The following LSAMP variants were observed in gnomAD, a reference collection of about 807,000 sequenced individuals.
LSAMP encodes the protein limbic system associated membrane protein, also known as limbic system-associated membrane protein.
LSAMP carries 7 observed loss-of-function variants against 38.6 expected under a neutral mutation model. The observed-to-expected ratio is 0.18, with a 90% confidence interval of 0.10 to 0.34. The LOEUF is 0.34. Among genes scored for constraint, LSAMP ranks in the 10% least tolerant of loss-of-function variants. The pLI is 1.00. For synonymous variants in LSAMP, 154 were observed against 166.8 expected, an observed-to-expected ratio of 0.92 and a Z score of 0.59; for missense variants, 313 against 420.0, an observed-to-expected ratio of 0.75 and a Z score of 2.23.
At chr3:116,047,729 G>A (rs1425773014) in intron 2 of LSAMP, among the ~76,000 whole-genome samples, 1 of 152,104 alleles carries the variant, frequency 6.6e-6, no homozygotes, top group Non-Finnish European at 1.5e-5. Context: ...TTCCATAGAT[G>A]TTGTCATTGA....
chr3:116,102,550 T>C (rs1054725836), intron 1 of LSAMP, among the ~76,000 whole-genome samples: 2 of 152,214 alleles, frequency 1.3e-5, no homozygotes, highest in Non-Finnish European at 2.9e-5. Context: ...AGGCCTCACC[T>C]AATCCATTGA....
At chr3:116,078,449 C>T (rs1239656932) in intron 2 of LSAMP, among the ~76,000 whole-genome samples, 3 of 152,012 alleles carry the variant, frequency 2.0e-5, no homozygotes, top group South Asian at 4.1e-4. Context: ...CTCAGCCTCC[C>T]GAGTAGCTGG....
chr3:116,050,581 T>C (rs1270035793), intron 2 of LSAMP, among the ~76,000 whole-genome samples: 1 of 152,052 alleles, frequency 6.6e-6, no homozygotes, highest in Non-Finnish European at 1.5e-5. Context: ...ATGGGTGCTT[T>C]AGCCTAGAAA....
chr3:116,194,886 A>C (rs1011379353), intron 1 of LSAMP, among the ~76,000 whole-genome samples: 1 of 152,208 alleles, frequency 6.6e-6, no homozygotes, highest in Non-Finnish European at 1.5e-5. Flanking sequence ...GAAATCATTA[A>C]ACTAGATTTG....
intron 3 of LSAMP, among the ~76,000 whole-genome samples, chr3:115,954,312 C>T (rs1938386067): frequency 6.6e-6 from 1 of 152,120 alleles, no homozygotes. Flanking sequence ...GAAGGACAGG[C>T]CCTACCTCCG....
chr3:116,142,577 G>C (rs930364908), intron 1 of LSAMP, among the ~76,000 whole-genome samples: 2 of 151,894 alleles, frequency 1.3e-5, no homozygotes, highest in Non-Finnish European at 2.9e-5. Context: ...TTCATACATT[G>C]ATCTTAGTTT....
chr3:116,294,441 T>C (rs776338123), intron 1 of LSAMP, among the ~76,000 whole-genome samples: 3 of 152,140 alleles, frequency 2.0e-5, no homozygotes, highest in Admixed American at 6.6e-5. Flanking sequence ...TTCAGAAAAG[T>C]CATTTTATAA....
intron 1 of LSAMP, among the ~76,000 whole-genome samples, chr3:116,332,259 T>A (rs1473952926): frequency 1.3e-5 from 2 of 152,164 alleles, no homozygotes; most frequent in African/African-American, 4.8e-5. Context: ...TTACACATAA[T>A]TTTAATAACT....
rs907712203 is a variant in LSAMP, at chr3:116,126,298, C to T, written c.156-39742G>A. ...TAGGTACCACAGTGAAGCTGATGAGCGTTGAGAGTATATAGAAGCAGATAG... is the reference window on the plus strand; with the variant it reads ...TAGGTACCACAGTGAAGCTGATGAGTGTTGAGAGTATATAGAAGCAGATAG... On this transcript the variant is annotated intron_variant, in intron 1 of 6. Coordinates refer to ENST00000490035, the MANE Select transcript of LSAMP (RefSeq NM_002338.5). 3.3e-5 allele frequency among the ~76,000 whole-genome samples: 5 copies of T among 152,054 alleles called. No homozygotes were observed. The East Asian group carries it at 7.7e-4, about 24-fold the overall frequency.
chr3:116,221,196 C>T (rs1473130664), intron 1 of LSAMP, among the ~76,000 whole-genome samples: 2 of 142,382 alleles, frequency 1.4e-5, no homozygotes, highest in Admixed American at 7.1e-5. Context: ...TATATATAAC[C>T]GAAACATTTA....
chr3:115,981,800 C>G (rs1255957928), intron 3 of LSAMP, among the ~76,000 whole-genome samples: 1 of 152,144 alleles, frequency 6.6e-6, no homozygotes, highest in African/African-American at 2.4e-5. Context: ...TAATCAAGGG[C>G]CCTTGTTTCC....
At chr3:115,850,898 T>G (rs548675624) in intron 4 of LSAMP, among the ~76,000 whole-genome samples, 143 of 152,178 alleles carry the variant, frequency 9.4e-4, no homozygotes, top group Non-Finnish European at 1.8e-3. Flanking sequence ...ATTTCTAAAG[T>G]AAGACTAATG....
chr3:116,211,891 C>G (rs2046161175), intron 1 of LSAMP, among the ~76,000 whole-genome samples: 1 of 152,188 alleles, frequency 6.6e-6, no homozygotes, highest in Non-Finnish European at 1.5e-5. Flanking sequence ...GGATGGCCAG[C>G]AGATAGATGA....
chr3:115,976,400 A>G (rs1939189360), intron 3 of LSAMP, among the ~76,000 whole-genome samples: 1 of 152,226 alleles, frequency 6.6e-6, no homozygotes, highest in Non-Finnish European at 1.5e-5. Context: ...TTTTGGAGAC[A>G]TAATATATAC....
chr3:116,354,845 A>ATGTGTGTGTG (rs56975134), intron 1 of LSAMP, among the ~76,000 whole-genome samples: 1,954 of 146,400 alleles, frequency 0.013, 46 homozygotes, highest in African/African-American at 0.046. Flanking sequence ...GGGTGTATAT[A>ATGTGTGTGTG]TGTGTGTGTG....
At chr3:116,306,545 T>TA (rs1490459466) in intron 1 of LSAMP, among the ~76,000 whole-genome samples, 1 of 151,992 alleles carries the variant, frequency 6.6e-6, no homozygotes, top group Non-Finnish European at 1.5e-5. Flanking sequence ...CTGATGCTGG[T>TA]AAAAAGTTAA....
chr3:116,347,330 T>C (rs2048077369), intron 1 of LSAMP, among the ~76,000 whole-genome samples: 1 of 152,184 alleles, frequency 6.6e-6, no homozygotes, highest in African/African-American at 2.4e-5. Context: ...TCACGGTTAG[T>C]AGGTCAGTCA....
chr3:115,863,245 G>A (rs1301188986), intron 3 of LSAMP, among the ~76,000 whole-genome samples: 1 of 152,176 alleles, frequency 6.6e-6, no homozygotes. Context: ...AGGTTTAAAT[G>A]GTTGAAATAA....
At chr3:116,164,686 C>T (rs1396720328) in intron 1 of LSAMP, among the ~76,000 whole-genome samples, 1 of 61,830 alleles carries the variant, frequency 1.6e-5, no homozygotes, top group Non-Finnish European at 3.4e-5. Context: ...TATATATAAT[C>T]CAAATATATA....
Sources: allele counts gnomAD v4.1 joint callset (sites outside exome capture counted in the v4.1 genomes callset), GRCh38; gene constraint gnomAD v4.1.1; transcripts MANE v1.5; gene names NCBI Gene and HGNC (gene_info 2026-07-23, HGNC 2026-07-21).